Variants in CCR1 observed in about 807,000 individuals in gnomAD.
The protein encoded by CCR1 is C-C motif chemokine receptor 1.
In CCR1, 1 loss-of-function variant was observed where a neutral mutation model predicts 0.3. That is an observed-to-expected ratio of 3.70 (90% CI 1.31 to 17.54). CCR1 has a LOEUF of 17.54. Ranked by LOEUF, CCR1 falls within the 30% of genes most tolerant of loss-of-function variation. CCR1 has a pLI of 0.11. For missense variants in CCR1, 349 were observed against 435.4 expected, an observed-to-expected ratio of 0.80 and a Z score of 1.77; for synonymous variants, 207 against 182.5, an observed-to-expected ratio of 1.13 and a Z score of -1.08.
chr3:46,206,387 T>C (rs748768863), intron 1 of CCR1, among the ~76,000 whole-genome samples: 5 of 151,894 alleles, frequency 3.3e-5, no homozygotes, highest in African/African-American at 7.3e-5. Context: ...CTGGAGAGAG[T>C]CAGGCTAACG....
intron 1 of CCR1, among the ~76,000 whole-genome samples, chr3:46,205,777 C>G (rs1699642905): frequency 1.3e-5 from 2 of 152,136 alleles, no homozygotes; most frequent in Admixed American, 6.5e-5. Flanking sequence ...CACCTGGCAA[C>G]AGCCAGGCCC....
In CCR1 at chr3:46,203,483, T is replaced by C; in HGVS notation, c.831A>G (p.Arg277=). 1 of 1,614,160 alleles carries C rather than the reference T, an allele frequency of 6.2e-7. No homozygotes were observed. Among genetic ancestry groups the C allele is most frequent in the Non-Finnish European group, 8.5e-7 (1 of 1,180,030 alleles). The change falls in exon 2 of 2, where the codon AGA becomes AGG. Residue 277 remains arginine (R), a synonymous_variant. Coordinates refer to ENST00000296140, the MANE Select transcript of CCR1 (RefSeq NM_001295.3). The surrounding 1 kb of genome is among the most constrained non-coding windows in gnomAD (Gnocchi z 4.5). ...FLFTHECEQS[R]HLDLAVQVTE... Reference sequence around the variant, plus strand: ...TCACTTGCACAGCCAGGTCCAAATGTCTGCTCTGCTCACACTCATGGGTGA... The same window carrying C: ...TCACTTGCACAGCCAGGTCCAAATGCCTGCTCTGCTCACACTCATGGGTGA...
intron 1 of CCR1, among the ~76,000 whole-genome samples, chr3:46,205,176 G>A (rs555876361): frequency 1.3e-5 from 2 of 152,252 alleles, no homozygotes; most frequent in East Asian, 1.9e-4. Context: ...TGAAATCCTA[G>A]TAGGTCAACC....
At chr3:46,207,268 A>C (rs1182233882) in intron 1 of CCR1, among the ~76,000 whole-genome samples, 2 of 152,146 alleles carry the variant, frequency 1.3e-5, no homozygotes, top group Non-Finnish European at 2.9e-5. Flanking sequence ...CAGGTTGTGC[A>C]AACTTTTGGG....
Position 46,202,987 on chromosome 3 carries a change from G to T in CCR1, c.*259C>A. 3 of 435,596 alleles carry T rather than the reference G, an allele frequency of 6.9e-6. No homozygotes were observed. The East Asian group carries it at 1.1e-4, about 16-fold the overall frequency. 27.0% of individuals were successfully genotyped at this position (435,596 alleles called of 1,614,324 possible). On this transcript the variant is annotated 3_prime_UTR_variant, in exon 2 of 2. Coordinates refer to ENST00000296140, the MANE Select transcript of CCR1 (RefSeq NM_001295.3). Reference sequence around the variant, plus strand: ...TTGCTTGAGTCCAAGCCCTTCTCTGGTACACTTAGTCCCAGTCTCTGGAAT... The same window carrying T: ...TTGCTTGAGTCCAAGCCCTTCTCTGTTACACTTAGTCCCAGTCTCTGGAAT...
intron 1 of CCR1, among the ~76,000 whole-genome samples, chr3:46,206,503 C>T (rs1699649509): frequency 6.6e-6 from 1 of 152,134 alleles, no homozygotes; most frequent in Admixed American, 6.5e-5. Flanking sequence ...GGTGGGCTGG[C>T]AGGTTAACAG....
At chr3:46,207,670 G>T (rs1699658340) in intron 1 of CCR1, among the ~76,000 whole-genome samples, 1 of 146,512 alleles carries the variant, frequency 6.8e-6, no homozygotes. Flanking sequence ...TTTTCAGACA[G>T]ACTCTTGCTC....
Position 46,202,592 on chromosome 3 carries a change from C to G in CCR1, c.*654G>C, listed in dbSNP as rs1006756751. ...CTTAGTTCCACTGCCAGCAGTAGTTCCCCATTTCTATTTCTCGTTAGGTCT... is the reference window on the plus strand; with the variant it reads ...CTTAGTTCCACTGCCAGCAGTAGTTGCCCATTTCTATTTCTCGTTAGGTCT... On this transcript the variant is annotated 3_prime_UTR_variant, in exon 2 of 2. Transcript: ENST00000296140. 1 of 152,092 alleles carries G rather than the reference C, an allele frequency of 6.6e-6. No individual in the cohort carries two copies. The highest frequency in any genetic ancestry group is 1.5e-5 in the Non-Finnish European group (1 of 68,038). 9.4% of individuals were successfully genotyped at this position (152,092 alleles called of 1,614,324 possible). A position where few individuals can be genotyped will look rare whatever the true frequency, so the allele number is the denominator to read the frequency against.
Position 46,203,459 on chromosome 3 carries a change from C to T in CCR1, c.855G>A (p.Val285=). 6.2e-7 allele frequency: 1 copy of T among 1,614,184 alleles called. No homozygotes were observed. The highest frequency in any genetic ancestry group is 8.5e-7 in the Non-Finnish European group (1 of 1,180,044). Residue 285 remains valine (V), a synonymous_variant, in exon 2 of 2, where the codon GTG becomes GTA. Coordinates refer to ENST00000296140, the MANE Select transcript of CCR1 (RefSeq NM_001295.3). This position sits in a 1 kb window ranked among gnomAD's most constrained non-coding sequence, Gnocchi z 4.5. ...QSRHLDLAVQ[V]TEVIAYTHCC... is the part of the protein sequence containing the mutation. The stretch of plus-strand genomic sequence containing the variant: ...AGTGCGTGTAGGCGATCACCTCCGT[C>T]ACTTGCACAGCCAGGTCCAAATGTC...
At chr3:46,205,666 C>A (rs1359297041) in intron 1 of CCR1, among the ~76,000 whole-genome samples, 2 of 152,152 alleles carry the variant, frequency 1.3e-5, no homozygotes, top group East Asian at 3.9e-4. Flanking sequence ...CCTCTCTGAG[C>A]TTCATTCCTC....
chr3:46,206,064 C>T (rs921809073), intron 1 of CCR1, among the ~76,000 whole-genome samples: 7 of 152,124 alleles, frequency 4.6e-5, no homozygotes, highest in African/African-American at 1.7e-4. Flanking sequence ...CAATCTATTG[C>T]CGCCAATCTA....
intron 1 of CCR1, 23 bp from the exon 2 acceptor site, chr3:46,204,347 A>T (rs76193342): frequency 1.4e-6 from 2 of 1,381,100 alleles, no homozygotes; most frequent in African/African-American, 1.5e-5. Context: ...AAAAAAAAAA[A>T]GATTTGTCTT....
Position 46,204,140 on chromosome 3 carries a change from G to A in CCR1, c.174C>T (p.Val58=), listed in dbSNP as rs1699625489. 1 of 1,614,132 alleles carries A rather than the reference G, an allele frequency of 6.2e-7. No homozygotes were observed. Among genetic ancestry groups the A allele is most frequent in the Non-Finnish European group, 8.5e-7 (1 of 1,180,030 alleles). ...GLVGNILVVL[V]LVQYKRLKNM... is the part of the protein sequence containing the mutation. ...TTTTTAGCCTCTTGTATTGCACAAG[G>A]ACCAGGACCACCAGGATGTTTCCAA... Residue 58 remains valine, a synonymous_variant, in exon 2 of 2, where the codon GTC becomes GTT. Transcript: ENST00000296140.
rs1699617338 is a variant in CCR1 at position 46,203,487 on chromosome 3, C to G, written c.827G>C (p.Ser276Thr). Residue 276 changes from serine to threonine, a missense_variant, in exon 2 of 2, where the codon AGC becomes ACC. Coordinates refer to ENST00000296140, the MANE Select transcript of CCR1 (RefSeq NM_001295.3). This position sits in a 1 kb window ranked among gnomAD's most constrained non-coding sequence, Gnocchi z 4.5. Reference protein sequence around the residue: ...DFLFTHECEQSRHLDLAVQVT... With the variant: ...DFLFTHECEQTRHLDLAVQVT... ...TTGCACAGCCAGGTCCAAATGTCTG[C>G]TCTGCTCACACTCATGGGTGAACAG... 3 of 1,614,104 alleles carry G rather than the reference C, an allele frequency of 1.9e-6. No homozygotes were observed. The highest frequency in any genetic ancestry group is 2.2e-5 in the East Asian group (1 of 44,876).
Position 46,205,361 on chromosome 3 carries a change from G to A in CCR1, c.-11-1037C>T, listed in dbSNP as rs1362809642. ...ACCTGGTCAGAAAAAGAGAAAACTG[G>A]GCATCAGGGGAGGAAGAGTTCAGAA... On this transcript the variant is annotated intron_variant, in intron 1 of 1. Coordinates refer to ENST00000296140, the MANE Select transcript of CCR1 (RefSeq NM_001295.3). Among the ~76,000 whole-genome samples the A allele has an allele frequency of 2.0e-5, 3 of 152,098 alleles. No individual in the cohort carries two copies. The East Asian group carries it at 5.8e-4, about 29-fold the overall frequency.
At chr3:46,207,105 T>C (rs370386300) in intron 1 of CCR1, among the ~76,000 whole-genome samples, 19 of 152,232 alleles carry the variant, frequency 1.2e-4, no homozygotes, top group African/African-American at 4.6e-4. Flanking sequence ...AATCAACAAA[T>C]GTTATAAAGC....
chr3:46,207,885 C>T (rs140118679), intron 1 of CCR1, among the ~76,000 whole-genome samples: 2 of 152,140 alleles, frequency 1.3e-5, no homozygotes, highest in Admixed American at 6.5e-5. Flanking sequence ...CATGATCCAC[C>T]TGCCTCGGTC....
rs754410880 is a variant in CCR1 at position 46,203,715 on chromosome 3, G to A, written c.599C>T (p.Ala200Val). ...CAGCCCAAAGAGGTTCAGTTTCAGA[G>A]CCTGAAACAGCTTCCACTCTCGTAG... Reference protein sequence around the residue: ...ESLREWKLFQALKLNLFGLVL... With the variant: ...ESLREWKLFQVLKLNLFGLVL... Residue 200 changes from alanine (A) to valine (V), a missense_variant, in exon 2 of 2, where the codon GCT becomes GTT. Physicochemically the swap from Ala to Val is moderately conservative, Grantham distance 64. Coordinates refer to ENST00000296140, the MANE Select transcript of CCR1 (RefSeq NM_001295.3). The surrounding 1 kb of genome is among the most constrained non-coding windows in gnomAD (Gnocchi z 4.5). 4.3e-6 allele frequency: 7 copies of A among 1,613,856 alleles called. No homozygotes were observed. The Admixed American group carries it at 1.2e-4, about 27-fold the overall frequency.
rs780706347 is a variant in CCR1 at position 46,203,209 on chromosome 3, C to T, written c.*37G>A. 3 of 1,505,920 alleles carry T rather than the reference C, an allele frequency of 2.0e-6. No individual in the cohort carries two copies. The highest frequency in any genetic ancestry group is 1.2e-5 in the South Asian group (1 of 83,618). The allele number at this position is 1,505,920 out of a possible 1,614,324, so 93.3% of individuals were successfully genotyped here. A position where few individuals can be genotyped will look rare whatever the true frequency, so the allele number is the denominator to read the frequency against. Reference sequence around the variant, plus strand: ...CTGGCTCAGTGTGCCTGGCAGGTCACGCCTGCTTATTTTGGGTTGGCCTCC... The same window carrying T: ...CTGGCTCAGTGTGCCTGGCAGGTCATGCCTGCTTATTTTGGGTTGGCCTCC... On this transcript the variant is annotated 3_prime_UTR_variant, in exon 2 of 2. Transcript: ENST00000296140. The surrounding 1 kb of genome is among the most constrained non-coding windows in gnomAD (Gnocchi z 4.5).
Sources: gnomAD v4.1 joint callset for allele counts (sites outside exome capture counted in the v4.1 genomes callset) on GRCh38, gnomAD v4.1.1 for gene constraint, Gnocchi (gnomAD v3.1) non-coding constraint, MANE v1.5 for transcripts, NCBI Gene and HGNC (gene_info 2026-07-23, HGNC 2026-07-21) for gene names.